SGCZ: variants seen among roughly 807,000 people sequenced by gnomAD.
The protein encoded by SGCZ is zeta-sarcoglycan.
In SGCZ, 40 loss-of-function variants were observed where a neutral mutation model predicts 41.3. That is an observed-to-expected ratio of 0.97 (90% confidence interval 0.75 to 1.26). The LOEUF is 1.26. Among genes scored for constraint, SGCZ ranks in the 50% most tolerant of loss-of-function variants. SGCZ has a pLI of 0.00. For synonymous variants in SGCZ, 206 were observed against 137.5 expected (o/e 1.50, Z -3.49); for missense variants, 552 against 369.8 (o/e 1.49, Z -4.04).
chr8:14,392,152 A>G lies in SGCZ; in HGVS notation c.235-67948T>C, dbSNP rs187984743. On this transcript the variant is annotated intron_variant, in intron 2 of 7. Coordinates refer to ENST00000382080, the MANE Select transcript of SGCZ (RefSeq NM_139167.4). ...ATATTTCAGATAAATCACAAAAAAA[A>G]TTATCAGTTATTTTAATTCAATAAT... Among the ~76,000 whole-genome samples, 11 of 152,240 alleles carry G rather than the reference A, an allele frequency of 7.2e-5. No individual in the cohort carries two copies. The East Asian group carries it at 2.1e-3, about 29-fold the overall frequency.
At chr8:14,338,581 C>T (rs1159990259) in intron 2 of SGCZ, among the ~76,000 whole-genome samples, 1 of 152,066 alleles carries the variant, frequency 6.6e-6, no homozygotes, top group Non-Finnish European at 1.5e-5. Context: ...ATGTTATTCT[C>T]TTGTTTATTG....
intron 5 of SGCZ, among the ~76,000 whole-genome samples, chr8:14,109,312 A>G (rs1425652007): frequency 6.6e-6 from 1 of 152,178 alleles, no homozygotes; most frequent in Non-Finnish European, 1.5e-5. Flanking sequence ...TAGCTTTTTC[A>G]TAATTTAACT....
In SGCZ at chr8:14,979,343, A is replaced by G. The variant is rs533596224; in HGVS notation, c.39+258242T>C. Among the ~76,000 whole-genome samples the G allele has an allele frequency of 3.9e-5, 6 of 152,288 alleles. No homozygotes were observed. The East Asian group carries it at 5.8e-4, about 15-fold the overall frequency. ...TTGGAATTGCTAAATTTCATCTTCA[A>G]TGTATTTATATTAAACTATCTGCAT... On this transcript the variant is annotated intron_variant, in intron 1 of 7. Transcript: ENST00000382080.
chr8:14,964,938 C>T (rs1326444477), intron 1 of SGCZ, among the ~76,000 whole-genome samples: 1 of 152,112 alleles, frequency 6.6e-6, no homozygotes, highest in Non-Finnish European at 1.5e-5. Flanking sequence ...AACCCTAAGG[C>T]CACTCAACTC....
intron 1 of SGCZ, among the ~76,000 whole-genome samples, chr8:14,848,168 T>C (rs779350981): frequency 6.6e-6 from 1 of 152,154 alleles, no homozygotes; most frequent in Non-Finnish European, 1.5e-5. Context: ...TAAATAATGT[T>C]AGACACTGAA....
chr8:14,747,411 G>A (rs1021573975), intron 1 of SGCZ, among the ~76,000 whole-genome samples: 4 of 152,126 alleles, frequency 2.6e-5, no homozygotes, highest in Admixed American at 6.5e-5. Context: ...GCAACAATAC[G>A]GTGACAAAAC....
chr8:15,155,338 T>C (rs1169149389), intron 1 of SGCZ, among the ~76,000 whole-genome samples: 1 of 152,194 alleles, frequency 6.6e-6, no homozygotes, highest in Non-Finnish European at 1.5e-5. Flanking sequence ...TAATATGCTA[T>C]CATAATTATC....
At chr8:15,226,899 A>C (rs1801792767) in intron 1 of SGCZ, among the ~76,000 whole-genome samples, 1 of 152,204 alleles carries the variant, frequency 6.6e-6, no homozygotes, top group South Asian at 2.1e-4. Context: ...GACAAGGGAT[A>C]AGTAGAGAAC....
At chr8:14,220,050 A>G (rs892825826) in intron 4 of SGCZ, among the ~76,000 whole-genome samples, 1 of 152,184 alleles carries the variant, frequency 6.6e-6, no homozygotes, top group African/African-American at 2.4e-5. Context: ...GTGACTTAAC[A>G]TTGACGGTCC....
chr8:14,379,832 A>C (rs1294294689), intron 2 of SGCZ, among the ~76,000 whole-genome samples: 1 of 151,992 alleles, frequency 6.6e-6, no homozygotes, highest in Non-Finnish European at 1.5e-5. Flanking sequence ...CCCGGGTTCA[A>C]GTGATTCTCC....
At chr8:15,174,973 G>A (rs1352207025) in intron 1 of SGCZ, among the ~76,000 whole-genome samples, 3 of 152,056 alleles carry the variant, frequency 2.0e-5, no homozygotes, top group Non-Finnish European at 4.4e-5. Context: ...GGAAGGGAGA[G>A]CATTAGGACA....
At chr8:14,601,010 T>C (rs1805573355) in intron 1 of SGCZ, among the ~76,000 whole-genome samples, 1 of 150,554 alleles carries the variant, frequency 6.6e-6, no homozygotes. Context: ...ATCCCTAAAA[T>C]ATATGTTTTA....
intron 2 of SGCZ, among the ~76,000 whole-genome samples, chr8:14,423,511 G>A (rs1438837313): frequency 2.0e-5 from 3 of 152,030 alleles, no homozygotes; most frequent in Non-Finnish European, 4.4e-5. Context: ...CCGCCTCCCG[G>A]GTTCAAGTGA....
chr8:14,834,650 G>C lies in SGCZ; in HGVS notation c.40-279724C>G, dbSNP rs560885569. Reference sequence around the variant, plus strand: ...CTTTTTATGATCGCACTTTGGAGCGGAAGTGTATCATTTCTGCTCAAATTT... The same window carrying C: ...CTTTTTATGATCGCACTTTGGAGCGCAAGTGTATCATTTCTGCTCAAATTT... On this transcript the variant is annotated intron_variant, in intron 1 of 7. Transcript: ENST00000382080. 3.9e-5 allele frequency among the ~76,000 whole-genome samples: 6 copies of C among 152,318 alleles called. No individual in the cohort carries two copies. The East Asian group carries it at 1.2e-3, about 29-fold the overall frequency.
At chr8:14,117,539 A>G (rs1199080510) in intron 5 of SGCZ, among the ~76,000 whole-genome samples, 1 of 151,628 alleles carries the variant, frequency 6.6e-6, no homozygotes. Context: ...CCAATCTTGT[A>G]AATACCTTTC....
At chr8:14,336,495 G>C (rs1249278876) in intron 2 of SGCZ, among the ~76,000 whole-genome samples, 1 of 152,092 alleles carries the variant, frequency 6.6e-6, no homozygotes, top group East Asian at 1.9e-4. Context: ...CCTGTTTTTA[G>C]CTCTTTGAGA....
intron 1 of SGCZ, among the ~76,000 whole-genome samples, chr8:14,763,032 C>A (rs544847363): frequency 1.3e-5 from 2 of 152,090 alleles, no homozygotes; most frequent in African/African-American, 4.8e-5. Context: ...AAATATCATA[C>A]GTCCAACACA....
At chr8:14,969,876 C>T (rs990747453) in intron 1 of SGCZ, among the ~76,000 whole-genome samples, 2 of 152,060 alleles carry the variant, frequency 1.3e-5, no homozygotes, top group African/African-American at 4.8e-5. Flanking sequence ...TCATTTTTCT[C>T]TTTGGTAAAT....
chr8:14,582,774 T>G (rs1364925882), intron 1 of SGCZ, among the ~76,000 whole-genome samples: 3 of 150,592 alleles, frequency 2.0e-5, no homozygotes, highest in Non-Finnish European at 4.4e-5. Flanking sequence ...TTTTTTGTCC[T>G]TGCGATAGTT....
Sources: allele counts gnomAD v4.1 joint callset (sites outside exome capture counted in the v4.1 genomes callset), GRCh38; gene constraint gnomAD v4.1.1; transcripts MANE v1.5; gene names NCBI Gene and HGNC (gene_info 2026-07-23, HGNC 2026-07-21).